Variants in TMEM232 observed in about 807,000 individuals in gnomAD.
TMEM232 encodes the protein transmembrane protein 232.
In TMEM232, 80 loss-of-function variants were observed where a neutral mutation model predicts 78.8. The observed-to-expected ratio is 1.01, with a 90% confidence interval of 0.85 to 1.22. The LOEUF is 1.22. Ranked by LOEUF, TMEM232 falls within the 50% of genes most tolerant of loss-of-function variation. TMEM232 has a pLI of 0.00. For missense variants in TMEM232, 881 were observed against 742.2 expected, an observed-to-expected ratio of 1.19 and a Z score of -2.17; for synonymous variants, 297 against 254.3, an observed-to-expected ratio of 1.17 and a Z score of -1.60.
chr5:110,610,910 C>T (rs1042427876), intron 8 of TMEM232, among the ~76,000 whole-genome samples: 6 of 152,070 alleles, frequency 3.9e-5, no homozygotes, highest in African/African-American at 1.2e-4. Flanking sequence ...CTTGGCCTTA[C>T]CTAAGTAATC....
At chr5:110,543,875 C>T (rs1421897541) in intron 11 of TMEM232, among the ~76,000 whole-genome samples, 1 of 152,136 alleles carries the variant, frequency 6.6e-6, no homozygotes. Flanking sequence ...GAGTCGTCTT[C>T]TATAGTTATC....
chr5:110,626,119 C>T (rs887717917), intron 6 of TMEM232, among the ~76,000 whole-genome samples: 1 of 151,830 alleles, frequency 6.6e-6, no homozygotes, highest in Non-Finnish European at 1.5e-5. Flanking sequence ...GAGCTGCAAC[C>T]TAAGGCTCTA....
intron 2 of TMEM232, among the ~76,000 whole-genome samples, chr5:110,657,095 T>C (rs1315761801): frequency 2.0e-5 from 3 of 152,126 alleles, no homozygotes; most frequent in African/African-American, 7.2e-5. Context: ...CCAGCTAGAA[T>C]GGCTATTATC....
chr5:110,564,715 A>G (rs1776134933), intron 11 of TMEM232, among the ~76,000 whole-genome samples: 1 of 151,918 alleles, frequency 6.6e-6, no homozygotes, highest in African/African-American at 2.4e-5. Flanking sequence ...CCAAAACAGA[A>G]CAATTACTCT....
intron 12 of TMEM232, among the ~76,000 whole-genome samples, chr5:110,431,435 C>T (rs770808001): frequency 7.3e-5 from 11 of 151,628 alleles, no homozygotes; most frequent in Non-Finnish European, 1.3e-4. Context: ...GATGAAAATG[C>T]TCTGCCATCA....
rs549992762 is a variant in TMEM232, at chr5:110,680,707, GA to G, written c.-12-13344del. Among the ~76,000 whole-genome samples the G allele has an allele frequency of 6.3e-4, 95 of 150,554 alleles. No individual in the cohort carries two copies. The South Asian group carries it at 0.013, about 20-fold the overall frequency. ...AGCATGCTAGATATGTCTTTTTTTG[GA>G]AAAAAAATAGAAAATAATTAGAATC... On this transcript the variant is annotated intron_variant, in intron 1 of 13. Transcript: ENST00000455884.
At chr5:110,691,021 T>A (rs772283536) in intron 1 of TMEM232, among the ~76,000 whole-genome samples, 2 of 151,742 alleles carry the variant, frequency 1.3e-5, no homozygotes, top group Non-Finnish European at 2.9e-5. Flanking sequence ...ATACCTAAGT[T>A]AGATGACAGG....
At chr5:110,396,127 G>A (rs1755378592) in intron 3 of TMEM232, among the ~76,000 whole-genome samples, 1 of 152,178 alleles carries the variant, frequency 6.6e-6, no homozygotes, top group Non-Finnish European at 1.5e-5. Flanking sequence ...AGAAGGCAAA[G>A]GGGAAGCAAG....
intron 12 of TMEM232, among the ~76,000 whole-genome samples, chr5:110,458,087 T>C (rs1761089118): frequency 6.6e-6 from 1 of 152,162 alleles, no homozygotes; most frequent in African/African-American, 2.4e-5. Context: ...TTTCAACTGT[T>C]AATTTTGTTC....
chr5:110,535,720 T>C (rs1215178944), intron 11 of TMEM232, among the ~76,000 whole-genome samples: 2 of 152,128 alleles, frequency 1.3e-5, no homozygotes, highest in African/African-American at 4.8e-5. Context: ...AATAAATGAA[T>C]GAGTAAACAA....
At chr5:110,732,336 G>C (rs566669266) in intron 2 of TMEM232, among the ~76,000 whole-genome samples, 2 of 152,218 alleles carry the variant, frequency 1.3e-5, no homozygotes, top group South Asian at 4.2e-4. Flanking sequence ...CCACATTTTT[G>C]GTTATCTTTT....
At chr5:110,555,363 A>C (rs895672671) in intron 11 of TMEM232, among the ~76,000 whole-genome samples, 1 of 152,016 alleles carries the variant, frequency 6.6e-6, no homozygotes, top group Non-Finnish European at 1.5e-5. Flanking sequence ...TTTATTGTCC[A>C]AGAGTATAAT....
chr5:110,700,431 G>A (rs575331145), intron 1 of TMEM232, among the ~76,000 whole-genome samples: 141 of 152,086 alleles, frequency 9.3e-4, no homozygotes, highest in African/African-American at 3.3e-3. Context: ...ACTGACCAAA[G>A]TTATACAGCC....
chr5:110,460,307 G>T (rs1310336519), intron 12 of TMEM232, among the ~76,000 whole-genome samples: 1 of 151,940 alleles, frequency 6.6e-6, no homozygotes, highest in Non-Finnish European at 1.5e-5. Flanking sequence ...GTGTGTGTGT[G>T]TGTGTATGTG....
intron 12 of TMEM232, among the ~76,000 whole-genome samples, chr5:110,431,664 T>G (rs1757866042): frequency 6.8e-6 from 1 of 148,076 alleles, no homozygotes; most frequent in Non-Finnish European, 1.5e-5. Flanking sequence ...AGGTGAAGAA[T>G]TTTGCTAGAA....
intron 12 of TMEM232, among the ~76,000 whole-genome samples, chr5:110,505,202 C>T (rs543366397): frequency 5.0e-4 from 76 of 152,252 alleles, no homozygotes; most frequent in African/African-American, 1.8e-3. Context: ...ATCTTAATTC[C>T]TCAAATACAA....
chr5:110,705,418 G>A (rs1580736136), intron 1 of TMEM232, among the ~76,000 whole-genome samples: 1 of 152,020 alleles, frequency 6.6e-6, no homozygotes, highest in South Asian at 2.1e-4. Flanking sequence ...GAATATAAGG[G>A]TTGGAAGCTG....
intron 12 of TMEM232, among the ~76,000 whole-genome samples, chr5:110,439,544 T>C (rs1320967396): frequency 1.3e-5 from 2 of 151,972 alleles, no homozygotes; most frequent in East Asian, 3.9e-4. Flanking sequence ...AGTGATCCCA[T>C]CCCAAGGGGC....
intron 12 of TMEM232, among the ~76,000 whole-genome samples, chr5:110,434,333 G>A (rs1027037505): frequency 6.6e-6 from 1 of 151,396 alleles, no homozygotes; most frequent in Admixed American, 6.6e-5. Context: ...AAACTACTGT[G>A]AACATCTCTA....
Sources: allele counts gnomAD v4.1 joint callset (sites outside exome capture counted in the v4.1 genomes callset), GRCh38; gene constraint gnomAD v4.1.1; transcripts MANE v1.5; gene names NCBI Gene and HGNC (gene_info 2026-07-23, HGNC 2026-07-21).